WDPCP: variants seen among roughly 807,000 people sequenced by gnomAD.
The protein encoded by WDPCP is WD repeat containing planar cell polarity effector, also known as WD repeat-containing and planar cell polarity effector protein fritz homolog.
A neutral mutation model predicts 93.1 loss-of-function variants in WDPCP; 71 were observed. The observed-to-expected ratio is 0.76, with a 90% CI of 0.63 to 0.93. WDPCP has a LOEUF of 0.93. WDPCP is among the 40% of genes least tolerant of loss of function. WDPCP has a pLI of 0.00. For missense variants in WDPCP, 844 were observed against 887.4 expected, an observed-to-expected ratio of 0.95 and a Z score of 0.62; for synonymous variants, 315 against 315.0, an observed-to-expected ratio of 1.00 and a Z score of 0.00.
At chr2:63,218,368 T>C (rs962726664) in intron 14 of WDPCP, among the ~76,000 whole-genome samples, 1 of 152,162 alleles carries the variant, frequency 6.6e-6, no homozygotes, top group Admixed American at 6.5e-5. Context: ...GTCAAACTAA[T>C]ATTTGTTTTC....
chr2:63,241,804 CA>C (rs1459307924), intron 14 of WDPCP, among the ~76,000 whole-genome samples: 1 of 152,028 alleles, frequency 6.6e-6, no homozygotes, highest in Non-Finnish European at 1.5e-5. Context: ...CTGTGCTGTC[CA>C]GGCTGGTCTC....
At chr2:63,126,883 A>C (rs559436117) in intron 17 of WDPCP, among the ~76,000 whole-genome samples, 1 of 151,754 alleles carries the variant, frequency 6.6e-6, no homozygotes. Flanking sequence ...AGGTCTTGCT[A>C]TGTTGCCTAA....
intron 14 of WDPCP, among the ~76,000 whole-genome samples, chr2:63,216,848 G>C (rs1462911063): frequency 6.6e-6 from 1 of 152,054 alleles, no homozygotes; most frequent in African/African-American, 2.4e-5. Context: ...ACTGAAAACT[G>C]ATGTTTTCTA....
chr2:63,497,388 T>G (rs773162432), intron 1 of WDPCP, among the ~76,000 whole-genome samples: 32 of 152,108 alleles, frequency 2.1e-4, no homozygotes, highest in Non-Finnish European at 4.1e-4. Context: ...TCTTGTGGAT[T>G]CCCCAAGATC....
chr2:63,420,139 A>G (rs1475024462), intron 9 of WDPCP, among the ~76,000 whole-genome samples: 4 of 152,106 alleles, frequency 2.6e-5, no homozygotes, highest in Non-Finnish European at 5.9e-5. Flanking sequence ...TTTTACCATG[A>G]TGCATTCAAA....
At chr2:63,778,150 G>C (rs932114313) in intron 2 of WDPCP, among the ~76,000 whole-genome samples, 4 of 152,194 alleles carry the variant, frequency 2.6e-5, no homozygotes, top group African/African-American at 9.6e-5. Flanking sequence ...ATGTCTCTGA[G>C]TCTTTAGACA....
At chr2:63,330,840 G>A (rs1299821757) in intron 12 of WDPCP, among the ~76,000 whole-genome samples, 1 of 148,864 alleles carries the variant, frequency 6.7e-6, no homozygotes, top group Admixed American at 6.7e-5. Flanking sequence ...TCATCCTTAG[G>A]ATGCATATGT....
At chr2:63,489,001 G>T (rs950733077) in intron 2 of WDPCP, among the ~76,000 whole-genome samples, 3 of 152,034 alleles carry the variant, frequency 2.0e-5, no homozygotes, top group Non-Finnish European at 2.9e-5. Flanking sequence ...GACATGGTGT[G>T]TTAGAACTCC....
intron 2 of WDPCP, among the ~76,000 whole-genome samples, chr2:63,779,328 C>T (rs2103968777): frequency 6.6e-6 from 1 of 152,242 alleles, no homozygotes; most frequent in South Asian, 2.1e-4. Context: ...GGATGTATTG[C>T]TATGGCCTCC....
intron 3 of WDPCP, among the ~76,000 whole-genome samples, chr2:63,601,673 T>C (rs1193670774): frequency 1.3e-5 from 2 of 152,042 alleles, no homozygotes; most frequent in Admixed American, 1.3e-4. Flanking sequence ...GCTCAAGAGA[T>C]AGAAGGAGCA....
At chr2:63,402,275 A>G (rs1694208608) in intron 10 of WDPCP, among the ~76,000 whole-genome samples, 1 of 152,124 alleles carries the variant, frequency 6.6e-6, no homozygotes, top group African/African-American at 2.4e-5. Flanking sequence ...ATGAGAATAC[A>G]TGGACACAGG....
At chr2:63,426,355 A>G (rs967251334) in intron 9 of WDPCP, among the ~76,000 whole-genome samples, 3 of 152,104 alleles carry the variant, frequency 2.0e-5, no homozygotes, top group African/African-American at 7.2e-5. Flanking sequence ...AAAAAACAAA[A>G]CAAAACAAAT....
At chr2:63,667,001 C>T (rs1422792116) in intron 2 of WDPCP, among the ~76,000 whole-genome samples, 1 of 106,510 alleles carries the variant, frequency 9.4e-6, no homozygotes, top group Non-Finnish European at 1.8e-5. Context: ...AGATACTTTG[C>T]TAAATGGAAC....
chr2:63,644,391 C>G (rs1710023337), intron 3 of WDPCP, among the ~76,000 whole-genome samples: 2 of 151,874 alleles, frequency 1.3e-5, no homozygotes, highest in African/African-American at 4.8e-5. Flanking sequence ...TTACAGGCAC[C>G]TGCCACCATG....
At chr2:63,398,670 A>G (rs1352367098) in intron 10 of WDPCP, among the ~76,000 whole-genome samples, 1 of 152,110 alleles carries the variant, frequency 6.6e-6, no homozygotes, top group Non-Finnish European at 1.5e-5. Context: ...AAAGCATTCT[A>G]TTTTAAACTA....
chr2:63,295,270 G>T (rs367790765), intron 13 of WDPCP, among the ~76,000 whole-genome samples: 1 of 151,974 alleles, frequency 6.6e-6, no homozygotes, highest in Non-Finnish European at 1.5e-5. Flanking sequence ...TATAAAAAAC[G>T]ACTGGCAAAA....
chr2:63,561,259 A>G (rs892057206), intron 1 of WDPCP, among the ~76,000 whole-genome samples: 11 of 152,136 alleles, frequency 7.2e-5, no homozygotes, highest in Non-Finnish European at 1.3e-4. Flanking sequence ...TAGGCGGATC[A>G]TGAGGTCAGG....
intron 12 of WDPCP, among the ~76,000 whole-genome samples, chr2:63,331,215 T>C (rs948885823): frequency 1.3e-5 from 2 of 152,178 alleles, no homozygotes; most frequent in Non-Finnish European, 2.9e-5. Flanking sequence ...TAGAACAGCT[T>C]GGAAAGATAT....
intron 3 of WDPCP, among the ~76,000 whole-genome samples, chr2:63,611,218 C>T (rs1709610572): frequency 6.6e-6 from 1 of 152,184 alleles, no homozygotes; most frequent in African/African-American, 2.4e-5. Flanking sequence ...TATTGATGGA[C>T]TTTTAGATTC....
Sources: gnomAD v4.1 joint callset for allele counts (sites outside exome capture counted in the v4.1 genomes callset) on GRCh38, gnomAD v4.1.1 for gene constraint, MANE v1.5 for transcripts, NCBI Gene and HGNC (gene_info 2026-07-23, HGNC 2026-07-21) for gene names.